NCBP3: variants seen among roughly 807,000 people sequenced by gnomAD.
NCBP3 encodes nuclear cap binding subunit 3, also known as nuclear cap-binding protein subunit 3.
In NCBP3, 20 loss-of-function variants were observed where a neutral mutation model predicts 75.7. The observed-to-expected ratio is 0.26, with a 90% CI of 0.19 to 0.38. The LOEUF is 0.38. NCBP3 is among the 10% of genes least tolerant of loss of function. The pLI is 1.00. For missense variants in NCBP3, 678 were observed against 796.9 expected, an observed-to-expected ratio of 0.85 and a Z score of 1.80; for synonymous variants, 293 against 290.5, an observed-to-expected ratio of 1.01 and a Z score of -0.09.
rs1470154785 is a variant in NCBP3, at chr17:3,818,196, G to A, written c.1310+67C>T. ...ATAAAAGATATTATAAAATTAGGAGGAATTAAGAAGTTATACTAGTATTTA... is the reference window on the plus strand; with the variant it reads ...ATAAAAGATATTATAAAATTAGGAGAAATTAAGAAGTTATACTAGTATTTA... On this transcript the variant is annotated intron_variant, in intron 10 of 12. Coordinates refer to ENST00000389005, the MANE Select transcript of NCBP3 (RefSeq NM_001114118.3). This position sits in a 1 kb window ranked among gnomAD's most constrained non-coding sequence, Gnocchi z 4.7. The A allele has an allele frequency of 3.4e-6, 4 of 1,165,098 alleles. No individual in the cohort carries two copies. The African/African-American group carries it at 6.2e-5, about 18-fold the overall frequency. 72.2% of individuals were successfully genotyped at this position (1,165,098 alleles called of 1,614,324 possible). A position where few individuals can be genotyped will look rare whatever the true frequency, so the allele number is the denominator to read the frequency against.
chr17:3,832,369 C>G (rs1365186375), intron 3 of NCBP3, among the ~76,000 whole-genome samples: 10 of 118,464 alleles, frequency 8.4e-5, no homozygotes, highest in African/African-American at 2.0e-4. Context: ...CGCGGTGGCT[C>G]ACGCCTGTAA....
chr17:3,804,688 A>T lies in NCBP3; in HGVS notation c.*8356T>A, dbSNP rs2053318668. The T allele has an allele frequency of 6.6e-6, 1 of 152,312 alleles. No homozygotes were observed. The allele number at this position is 152,312 out of a possible 1,614,324, so 9.4% of individuals were successfully genotyped here. On this transcript the variant is annotated 3_prime_UTR_variant, in exon 13 of 13. Transcript: ENST00000389005. The stretch of plus-strand genomic sequence containing the variant: ...GCCAGAAAGAGTGACGGCATTGCTG[A>T]GACCAGAGCCCAGGGCTGCAGAGCA...
At chr17:3,821,493 G>T in intron 8 of NCBP3, 141 bp from the exon 9 acceptor site, 1 of 639,240 alleles carries the variant, frequency 1.6e-6, no homozygotes, top group Non-Finnish European at 2.7e-6. Flanking sequence ...CACCATCTCA[G>T]CTCACTGCAA....
chr17:3,839,401 G>A (rs905099901), intron 3 of NCBP3, among the ~76,000 whole-genome samples: 4 of 152,142 alleles, frequency 2.6e-5, no homozygotes, highest in Non-Finnish European at 5.9e-5. Flanking sequence ...AGGCTGGAGT[G>A]CAGTGGTGCA....
intron 3 of NCBP3, among the ~76,000 whole-genome samples, chr17:3,836,802 T>C (rs2053980229): frequency 6.6e-6 from 1 of 152,178 alleles, no homozygotes; most frequent in East Asian, 1.9e-4. Context: ...GCTTCAGAGC[T>C]CATGCTCATA....
At position 3,807,543 on chromosome 17, in the gene NCBP3, A is replaced by G. The variant is rs999616037; in HGVS notation, c.*5501T>C. The G allele has an allele frequency of 5.3e-5, 8 of 152,206 alleles. No individual in the cohort carries two copies. The highest frequency in any genetic ancestry group is 1.0e-4 in the Non-Finnish European group (7 of 68,040). The allele number at this position is 152,206 out of a possible 1,614,324, so 9.4% of individuals were successfully genotyped here. On this transcript the variant is annotated 3_prime_UTR_variant, in exon 13 of 13. Transcript: ENST00000389005. Reference sequence around the variant, plus strand: ...GGTTACCATAATTCATTCATTTACCAAACACTTTCGAAGCACTACTTACTC... The same window carrying G: ...GGTTACCATAATTCATTCATTTACCGAACACTTTCGAAGCACTACTTACTC...
In NCBP3 at chr17:3,818,177, GAT is replaced by G; in HGVS notation, c.1310+84_1310+85del. The G allele has an allele frequency of 1.9e-6, 2 of 1,051,738 alleles. No individual in the cohort carries two copies. The highest frequency in any genetic ancestry group is 2.6e-5 in the East Asian group (1 of 37,824). 65.2% of individuals were successfully genotyped at this position (1,051,738 alleles called of 1,614,324 possible). A position where few individuals can be genotyped will look rare whatever the true frequency, so the allele number is the denominator to read the frequency against. ...GGGACTGAAATCAGAATAGATAAAA[GAT>G]ATTATAAAATTAGGAGGAATTAAGA... is the stretch of plus-strand genomic sequence containing the variant. On this transcript the variant is annotated intron_variant, in intron 10 of 12. Coordinates refer to ENST00000389005, the MANE Select transcript of NCBP3 (RefSeq NM_001114118.3). The surrounding 1 kb of genome is among the most constrained non-coding windows in gnomAD (Gnocchi z 4.7).
Position 3,809,908 on chromosome 17 carries a change from T to C in NCBP3, c.*3136A>G, listed in dbSNP as rs538888852. The C allele has an allele frequency of 1.3e-5, 2 of 152,206 alleles. No homozygotes were observed. The highest frequency in any genetic ancestry group is 2.1e-4 in the South Asian group (1 of 4,822). 9.4% of individuals were successfully genotyped at this position (152,206 alleles called of 1,614,324 possible). A position where few individuals can be genotyped will look rare whatever the true frequency, so the allele number is the denominator to read the frequency against. On this transcript the variant is annotated 3_prime_UTR_variant, in exon 13 of 13. Coordinates refer to ENST00000389005, the MANE Select transcript of NCBP3 (RefSeq NM_001114118.3). ...AATATGTTAAGAAGCCAGTCACAAA[T>C]AGACACATAGTATATGATCCCATTT...
intron 7 of NCBP3, among the ~76,000 whole-genome samples, chr17:3,823,499 C>T (rs190070): frequency 0.12 from 18,180 of 152,182 alleles, 1,968 homozygotes; most frequent in African/African-American, 0.29. Context: ...AAAGAAATGA[C>T]ATAGTCAGAA....
intron 2 of NCBP3, 30 bp from the exon 3 acceptor site, chr17:3,840,235 A>G: frequency 1.3e-6 from 2 of 1,530,552 alleles, no homozygotes; most frequent in Non-Finnish European, 1.8e-6. Context: ...TGAAAGTAGT[A>G]AAATATGGAG....
intron 3 of NCBP3, among the ~76,000 whole-genome samples, chr17:3,838,361 T>G (rs1268065361): frequency 6.6e-6 from 1 of 152,172 alleles, no homozygotes; most frequent in Non-Finnish European, 1.5e-5. Flanking sequence ...GCCCTCGCGG[T>G]AGAGTTGTGA....
Position 3,809,754 on chromosome 17 carries a change from G to T in NCBP3, c.*3290C>A, listed in dbSNP as rs890245222. ...AATATATATATATAGCCCTAAAGTA[G>T]AAACAACTCAAATGCCCATTAACCA... On this transcript the variant is annotated 3_prime_UTR_variant, in exon 13 of 13. Coordinates refer to ENST00000389005, the MANE Select transcript of NCBP3 (RefSeq NM_001114118.3). 2.0e-5 allele frequency: 3 copies of T among 151,742 alleles called. No homozygotes were observed. Among genetic ancestry groups the T allele is most frequent in the African/African-American group, 7.3e-5 (3 of 41,290 alleles). 9.4% of individuals were successfully genotyped at this position (151,742 alleles called of 1,614,324 possible). A position where few individuals can be genotyped will look rare whatever the true frequency, so the allele number is the denominator to read the frequency against.
rs2053406221 is a variant in NCBP3, at chr17:3,811,186, A to AGAAT, written c.*1857_*1858insATTC. On this transcript the variant is annotated 3_prime_UTR_variant, in exon 13 of 13. Coordinates refer to ENST00000389005, the MANE Select transcript of NCBP3 (RefSeq NM_001114118.3). ...AAGCCAGGAATTCTGGTAACAGCCC[A>AGAAT]CTCAACTGCTAGACGGGAAAACTGA... 6.6e-6 allele frequency: 1 copy of AGAAT among 152,156 alleles called. No homozygotes were observed. Among genetic ancestry groups the AGAAT allele is most frequent in the African/African-American group, 2.4e-5 (1 of 41,374 alleles). 9.4% of individuals were successfully genotyped at this position (152,156 alleles called of 1,614,324 possible).
chr17:3,808,439 G>T lies in NCBP3; in HGVS notation c.*4605C>A, dbSNP rs145790805. 1 of 152,196 alleles carries T rather than the reference G, an allele frequency of 6.6e-6. No individual in the cohort carries two copies. The highest frequency in any genetic ancestry group is 2.4e-5 in the African/African-American group (1 of 41,442). 9.4% of individuals were successfully genotyped at this position (152,196 alleles called of 1,614,324 possible). On this transcript the variant is annotated 3_prime_UTR_variant, in exon 13 of 13. Coordinates refer to ENST00000389005, the MANE Select transcript of NCBP3 (RefSeq NM_001114118.3). ...CTGTGGCAGTACCATGGGACACATA[G>T]AAGTAGCCTATACCCTGGCTCTGGA...
rs1260433827 is a variant in NCBP3 at position 3,814,319 on chromosome 17, A to C, written c.1627+3T>G. ...ATTCCCATCCGTTTTAAGTGTTACC[A>C]ACCTGATTTCTTCTCCCGAGTATCG... On this transcript the variant is annotated splice_donor_region_variant and intron_variant, in intron 12 of 12. Coordinates refer to ENST00000389005, the MANE Select transcript of NCBP3 (RefSeq NM_001114118.3). The C allele has an allele frequency of 5.6e-6, 9 of 1,613,850 alleles. No homozygotes were observed. The highest frequency in any genetic ancestry group is 6.8e-6 in the Non-Finnish European group (8 of 1,179,950).
intron 12 of NCBP3, among the ~76,000 whole-genome samples, 183 bp downstream of exon 12, chr17:3,814,139 G>T (rs897683098): frequency 6.6e-6 from 1 of 152,128 alleles, no homozygotes; most frequent in African/African-American, 2.4e-5. Context: ...TTTTCTAAGC[G>T]TTCCTAACTG....
At chr17:3,821,432 T>C in intron 8 of NCBP3, 80 bp from the exon 9 acceptor site, 1 of 1,143,260 alleles carries the variant, frequency 8.7e-7, no homozygotes, top group Non-Finnish European at 1.3e-6. Context: ...TCTCTTTTCT[T>C]TTTTTTTTGT....
At chr17:3,826,246 C>A in intron 4 of NCBP3, 31 bp from the exon 5 acceptor site, 1 of 1,522,774 alleles carries the variant, frequency 6.6e-7, no homozygotes. Context: ...AGACATTACA[C>A]AGCATGGAAA....
At chr17:3,817,123 C>T (rs934916932) in intron 10 of NCBP3, among the ~76,000 whole-genome samples, 2 of 152,304 alleles carry the variant, frequency 1.3e-5, no homozygotes, top group African/African-American at 4.8e-5. Flanking sequence ...CTACGTTACA[C>T]AGAGCATCCC....
Sources: gnomAD v4.1 joint callset for allele counts (sites outside exome capture counted in the v4.1 genomes callset) on GRCh38, gnomAD v4.1.1 for gene constraint, Gnocchi (gnomAD v3.1) non-coding constraint, MANE v1.5 for transcripts, NCBI Gene and HGNC (gene_info 2026-07-23, HGNC 2026-07-21) for gene names.